Variants in ADARB2 observed in about 807,000 individuals in gnomAD.
ADARB2 encodes inactive double-stranded RNA-specific editase B2.
Under a neutral mutation model 62.2 loss-of-function variants are expected in ADARB2, and 25 were observed. The ratio of observed to expected loss-of-function variants is 0.40; its 90% CI spans 0.29 to 0.56. The LOEUF is 0.56. Ranked by LOEUF, ADARB2 falls within the 20% of genes least tolerant of loss-of-function variation. The probability of loss-of-function intolerance (pLI) is 0.43; values close to 1 mark genes in which losing one functional copy is unlikely to be tolerated. For synonymous variants in ADARB2, 572 were observed against 500.8 expected, an observed-to-expected ratio of 1.14 and a Z score of -1.90; for missense variants, 1,071 against 1,077.4, an observed-to-expected ratio of 0.99 and a Z score of 0.08.
chr10:1,633,194 A>G (rs1349066905), intron 1 of ADARB2, among the ~76,000 whole-genome samples: 1 of 152,144 alleles, frequency 6.6e-6, no homozygotes, highest in African/African-American at 2.4e-5. Flanking sequence ...GGACTGAACT[A>G]TGTCACTGAT....
intron 1 of ADARB2, among the ~76,000 whole-genome samples, chr10:1,484,515 TG>T (rs1436966618): frequency 6.6e-6 from 1 of 152,222 alleles, no homozygotes; most frequent in Non-Finnish European, 1.5e-5. Context: ...ATGAAAATGC[TG>T]GGTGGAACGT....
chr10:1,713,886 A>G (rs1055161428), intron 1 of ADARB2, among the ~76,000 whole-genome samples: 1 of 152,248 alleles, frequency 6.6e-6, no homozygotes, highest in Non-Finnish European at 1.5e-5. Flanking sequence ...GATATCTGCC[A>G]TACAAGCATG....
chr10:1,437,741 A>T (rs1830849724), intron 1 of ADARB2, among the ~76,000 whole-genome samples: 1 of 151,762 alleles, frequency 6.6e-6, no homozygotes, highest in Non-Finnish European at 1.5e-5. Flanking sequence ...CCTGTGGGGA[A>T]GGAAGCCAGC....
chr10:1,474,725 C>T (rs1658848210), intron 1 of ADARB2, among the ~76,000 whole-genome samples: 1 of 152,162 alleles, frequency 6.6e-6, no homozygotes. Flanking sequence ...AATGGATGAG[C>T]CCCAGGCAGC....
intron 1 of ADARB2, among the ~76,000 whole-genome samples, chr10:1,500,334 T>C (rs897632611): frequency 1.3e-5 from 2 of 152,238 alleles, no homozygotes; most frequent in South Asian, 2.1e-4. Context: ...GTTACATGAA[T>C]CAAAGTGCTG....
chr10:1,233,651 T>TG, intron 6 of ADARB2, 43 bp downstream of exon 6: 2 of 1,572,354 alleles, frequency 1.3e-6, no homozygotes, highest in Non-Finnish European at 1.7e-6. Flanking sequence ...TAGAGGGAGC[T>TG]GGGGGCTGTT....
At chr10:1,701,083 G>A (rs1353649395) in intron 1 of ADARB2, among the ~76,000 whole-genome samples, 1 of 4,830 alleles carries the variant, frequency 2.1e-4, no homozygotes, top group African/African-American at 2.3e-4. Flanking sequence ...GGGAGACCAG[G>A]CGCTAGTCAA....
chr10:1,458,916 T>C (rs1051617315), intron 1 of ADARB2, among the ~76,000 whole-genome samples: 2 of 152,192 alleles, frequency 1.3e-5, no homozygotes, highest in Admixed American at 6.5e-5. Context: ...AAGACACTTA[T>C]GCAGGCAACA....
At position 1,212,059 on chromosome 10, in the gene ADARB2, C is replaced by T. The variant is rs1019491243; in HGVS notation, c.1682+4892G>A. ...TCCACGGCCACGTGTGTCCTCCTGC[C>T]GCTTCACAGACGGTGACTTCCACCT... On this transcript the variant is annotated intron_variant, in intron 7 of 9. Transcript: ENST00000381312. 4.6e-5 allele frequency among the ~76,000 whole-genome samples: 7 copies of T among 152,318 alleles called. No individual in the cohort carries two copies. The South Asian group carries it at 1.0e-3, about 23-fold the overall frequency.
intron 1 of ADARB2, among the ~76,000 whole-genome samples, chr10:1,662,288 C>G (rs946070458): frequency 6.6e-6 from 1 of 152,204 alleles, no homozygotes; most frequent in Admixed American, 6.5e-5. Context: ...AGGCAGCCTC[C>G]AGGAGCCCAG....
intron 1 of ADARB2, among the ~76,000 whole-genome samples, chr10:1,470,168 G>C (rs1386175115): frequency 2.9e-5 from 4 of 138,860 alleles, no homozygotes; most frequent in Non-Finnish European, 1.6e-5. Context: ...CATGGTCCTG[G>C]GCAAATGATT....
At chr10:1,679,109 C>T (rs911816076) in intron 1 of ADARB2, among the ~76,000 whole-genome samples, 5 of 152,150 alleles carry the variant, frequency 3.3e-5, no homozygotes, top group Admixed American at 2.0e-4. Flanking sequence ...CAGCTTTAAA[C>T]AGCAAATATG....
intron 1 of ADARB2, among the ~76,000 whole-genome samples, chr10:1,508,854 G>A (rs1831884854): frequency 6.6e-6 from 1 of 152,184 alleles, no homozygotes; most frequent in Non-Finnish European, 1.5e-5. Context: ...GATTTTAGTA[G>A]ACATTGGAAG....
intron 1 of ADARB2, among the ~76,000 whole-genome samples, chr10:1,462,726 C>G (rs972793124): frequency 2.0e-5 from 3 of 150,148 alleles, no homozygotes; most frequent in African/African-American, 7.4e-5. Context: ...ACTGTATGTG[C>G]ATGTGTGTAT....
intron 1 of ADARB2, among the ~76,000 whole-genome samples, chr10:1,467,895 A>T (rs1033328519): frequency 2.6e-5 from 4 of 152,148 alleles, no homozygotes; most frequent in Non-Finnish European, 5.9e-5. Flanking sequence ...CTGTCTGACG[A>T]GGACATTGAG....
intron 5 of ADARB2, among the ~76,000 whole-genome samples, chr10:1,241,611 C>T (rs192968707): frequency 6.6e-6 from 1 of 152,176 alleles, no homozygotes; most frequent in Non-Finnish European, 1.5e-5. Flanking sequence ...GGAGGCTGCC[C>T]CATGACAGCC....
intron 1 of ADARB2, among the ~76,000 whole-genome samples, chr10:1,608,875 C>T (rs2132019443): frequency 6.6e-6 from 1 of 152,074 alleles, no homozygotes; most frequent in African/African-American, 2.4e-5. Flanking sequence ...GACAGCATTT[C>T]CCTCCGCATT....
At chr10:1,233,401 C>G (rs904392028) in intron 6 of ADARB2, among the ~76,000 whole-genome samples, 1 of 152,192 alleles carries the variant, frequency 6.6e-6, no homozygotes, top group Non-Finnish European at 1.5e-5. Flanking sequence ...TCCCTTCATT[C>G]CATTTTCCCA....
intron 1 of ADARB2, among the ~76,000 whole-genome samples, chr10:1,445,183 A>G (rs745845494): frequency 4.4e-5 from 4 of 90,028 alleles, no homozygotes; most frequent in Non-Finnish European, 9.0e-5. Flanking sequence ...TCATTCATCC[A>G]TCCACCCACC....
Sources: gnomAD v4.1 joint callset for allele counts (sites outside exome capture counted in the v4.1 genomes callset) on GRCh38, gnomAD v4.1.1 for gene constraint, MANE v1.5 for transcripts, NCBI Gene and HGNC (gene_info 2026-07-23, HGNC 2026-07-21) for gene names.